The following ANAPC5 variants were observed in gnomAD, a reference collection of about 807,000 sequenced individuals.
ANAPC5 encodes anaphase promoting complex subunit 5.
In ANAPC5, 60 loss-of-function variants were observed where a neutral mutation model predicts 91.3. That is an observed-to-expected ratio of 0.66 (90% CI 0.53 to 0.81). The LOEUF is 0.81. Among genes scored for constraint, ANAPC5 ranks in the 40% least tolerant of loss-of-function variants. The probability of loss-of-function intolerance (pLI) is 0.00; values close to 1 mark genes in which losing one functional copy is unlikely to be tolerated. For missense variants in ANAPC5, 690 were observed against 931.5 expected, an observed-to-expected ratio of 0.74 and a Z score of 3.37; for synonymous variants, 340 against 364.1, an observed-to-expected ratio of 0.93 and a Z score of 0.75.
Position 121,327,128 on chromosome 12 carries a change from G to A in ANAPC5, c.1408C>T (p.Leu470Phe), listed in dbSNP as rs782384727. ...QNNTESFAVA[L>F]CHLAELHAEQ... ...GCGTGTAGCTCTGCGAGGTGGCAGA[G>A]TGCGACAGCAAAGGACTCTGTGTTG... The change falls in exon 11 of 17, where the codon CTC (leucine) becomes TTC (phenylalanine). Residue 470 changes from leucine to phenylalanine, a missense_variant. Physicochemically the swap from Leu to Phe is conservative, Grantham distance 22. Coordinates refer to ENST00000261819, the MANE Select transcript of ANAPC5 (RefSeq NM_016237.5). The A allele has an allele frequency of 1.2e-6, 2 of 1,611,282 alleles. No homozygotes were observed. The highest frequency in any genetic ancestry group is 1.7e-6 in the Non-Finnish European group (2 of 1,179,264).
At chr12:121,317,515 G>A (rs1190723996) in intron 15 of ANAPC5, among the ~76,000 whole-genome samples, 8 of 151,780 alleles carry the variant, frequency 5.3e-5, no homozygotes, top group Non-Finnish European at 7.4e-5. Flanking sequence ...GCCTCCCAAA[G>A]TGCTGGGATT....
chr12:121,324,255 T>C (rs1566184770), intron 11 of ANAPC5, among the ~76,000 whole-genome samples: 1 of 152,060 alleles, frequency 6.6e-6, no homozygotes, highest in Non-Finnish European at 1.5e-5. Context: ...TAATTAAAAA[T>C]GTGACAGTCA....
At chr12:121,335,305 A>G (rs1233323655) in intron 7 of ANAPC5, 1 of 302,462 alleles carries the variant, frequency 3.3e-6, no homozygotes, top group Non-Finnish European at 6.2e-6. Context: ...AGCTGGGACT[A>G]CAGGTGCCTG....
In ANAPC5 at chr12:121,309,838, G is replaced by T; in HGVS notation, c.1919C>A (p.Ala640Asp). The T allele has an allele frequency of 9.3e-6, 15 of 1,613,858 alleles. No individual in the cohort carries two copies. The highest frequency in any genetic ancestry group is 1.3e-5 in the Non-Finnish European group (15 of 1,179,918). Residue 640 changes from alanine to aspartate, a missense_variant, in exon 16 of 17, where the codon GCC (alanine) becomes GAC (aspartate). Transcript: ENST00000261819. Reference protein sequence around the residue: ...AQLILGIPEQALSLLHMAIEP... With the variant: ...AQLILGIPEQDLSLLHMAIEP... ...GATGGCCATGTGGAGAAGACTTAAG[G>T]CCTGTTCTGGGATTCCAAGAATGAG...
In ANAPC5 at chr12:121,309,753, G is replaced by C; in HGVS notation, c.2004C>G (p.Ala668=). Reference sequence around the variant, plus strand: ...AAGCTGCTGAAGCCACCTGGCACTTGGCCACTAAGAACATGGCACGACCTT... The same window carrying C: ...AAGCTGCTGAAGCCACCTGGCACTTCGCCACTAAGAACATGGCACGACCTT... ...LDKGRAMFLV[A]KCQVASAASY... is the part of the protein sequence containing the mutation. Residue 668 remains alanine (A), a synonymous_variant, in exon 16 of 17, where the codon GCC becomes GCG. Transcript: ENST00000261819. The C allele has an allele frequency of 6.2e-7, 1 of 1,614,114 alleles. No individual in the cohort carries two copies. Among genetic ancestry groups the C allele is most frequent in the South Asian group, 1.1e-5 (1 of 91,078 alleles).
chr12:121,314,294 G>A (rs959295659), intron 15 of ANAPC5, among the ~76,000 whole-genome samples: 33 of 152,128 alleles, frequency 2.2e-4, no homozygotes, highest in African/African-American at 6.8e-4. Flanking sequence ...AGCTACTTGG[G>A]AAGCTGAGGC....
At chr12:121,344,742 A>G (rs1903598951) in intron 4 of ANAPC5, among the ~76,000 whole-genome samples, 1 of 152,192 alleles carries the variant, frequency 6.6e-6, no homozygotes, top group African/African-American at 2.4e-5. Flanking sequence ...CCTGAGGTAG[A>G]AACTGATTGG....
intron 1 of ANAPC5, among the ~76,000 whole-genome samples, chr12:121,349,095 T>C (rs1419485023): frequency 2.0e-5 from 3 of 152,180 alleles, no homozygotes; most frequent in African/African-American, 7.2e-5. Flanking sequence ...TGAAATCCCA[T>C]GCCCAGGCTG....
upstream of ANAPC5, chr12:121,352,438 A>C: frequency 1.0e-6 from 1 of 980,686 alleles, no homozygotes; most frequent in Non-Finnish European, 1.5e-6. Flanking sequence ...CCGCCCTCAC[A>C]ATATCCCAGG....
chr12:121,337,246 T>C, intron 6 of ANAPC5, 45 bp downstream of exon 6: 2 of 1,520,368 alleles, frequency 1.3e-6, no homozygotes, highest in Non-Finnish European at 1.8e-6. Context: ...AAAGTTGCCT[T>C]GTCATTCCTT....
chr12:121,313,006 C>T lies in ANAPC5; in HGVS notation c.1894-3143G>A, dbSNP rs146461498. 2.0e-5 allele frequency among the ~76,000 whole-genome samples: 3 copies of T among 152,198 alleles called. No homozygotes were observed. In the East Asian group the frequency reaches 5.8e-4, roughly 29 times the overall value. On this transcript the variant is annotated intron_variant, in intron 15 of 16. Coordinates refer to ENST00000261819, the MANE Select transcript of ANAPC5 (RefSeq NM_016237.5). ...TTACAAAAGAAAGAAGATCTCAAAT[C>T]AATAAGCGAATCTTCCACCTTAAGA...
intron 7 of ANAPC5, chr12:121,334,486 T>C (rs1593593888): frequency 6.6e-6 from 1 of 151,636 alleles, no homozygotes; most frequent in Admixed American, 6.6e-5. Flanking sequence ...GGTGGGGGGG[T>C]GAAGGGATCT....
chr12:121,335,981 T>C (rs1214132453), intron 6 of ANAPC5, among the ~76,000 whole-genome samples: 1 of 152,228 alleles, frequency 6.6e-6, no homozygotes, highest in Non-Finnish European at 1.5e-5. Flanking sequence ...TACTCCACTA[T>C]GCCACTGGTT....
intron 4 of ANAPC5, among the ~76,000 whole-genome samples, chr12:121,344,642 G>A (rs1555274491): frequency 6.6e-6 from 1 of 152,056 alleles, no homozygotes; most frequent in Non-Finnish European, 1.5e-5. Context: ...CTCGTGGTCA[G>A]GGAGGCCCGT....
At chr12:121,346,874 T>C in intron 3 of ANAPC5, 22 bp downstream of exon 3, 1 of 1,464,956 alleles carries the variant, frequency 6.8e-7, no homozygotes, top group Non-Finnish European at 9.4e-7. Flanking sequence ...TACTCTCTGC[T>C]CTTCTTAGAA....
intron 4 of ANAPC5, among the ~76,000 whole-genome samples, chr12:121,344,323 AATCC>A (rs1555274398): frequency 4.6e-5 from 7 of 152,222 alleles, no homozygotes; most frequent in Non-Finnish European, 1.0e-4. Context: ...TCACGCCTGT[AATCC>A]CAGCACTTTG....
At position 121,319,690 on chromosome 12, in the gene ANAPC5, T is replaced by A; in HGVS notation, c.1637+7A>T. On this transcript the variant is annotated splice_region_variant and intron_variant, in intron 13 of 16. Coordinates refer to ENST00000261819, the MANE Select transcript of ANAPC5 (RefSeq NM_016237.5). ...ATTCTGGGGTTAGAGTTTTCAAGGTTTCTTACCTATAAACACCCTCTATGC... is the reference window on the plus strand; with the variant it reads ...ATTCTGGGGTTAGAGTTTTCAAGGTATCTTACCTATAAACACCCTCTATGC... 1 of 1,601,424 alleles carries A rather than the reference T, an allele frequency of 6.2e-7. No homozygotes were observed. Among genetic ancestry groups the A allele is most frequent in the East Asian group, 2.3e-5 (1 of 44,332 alleles).
At chr12:121,312,879 CA>C (rs368946538) in intron 15 of ANAPC5, among the ~76,000 whole-genome samples, 32 of 141,010 alleles carry the variant, frequency 2.3e-4, no homozygotes, top group Non-Finnish European at 1.9e-4. Flanking sequence ...GGCTCTGTCT[CA>C]AAAAAAAAAT....
chr12:121,332,577 G>GTTTTTTTTTTTT (rs60691023), intron 7 of ANAPC5: 1 of 149,312 alleles, frequency 6.7e-6, no homozygotes. Context: ...TCTATAACAA[G>GTTTTTTTTTTTT]TTTTTTTTTT....
Sources: allele counts gnomAD v4.1 joint callset (sites outside exome capture counted in the v4.1 genomes callset), GRCh38; gene constraint gnomAD v4.1.1; transcripts MANE v1.5; gene names NCBI Gene and HGNC (gene_info 2026-07-23, HGNC 2026-07-21).